INTS2: variants seen among roughly 807,000 people sequenced by gnomAD.
INTS2 encodes the protein KIAA1287.
A neutral mutation model predicts 139.6 loss-of-function variants in INTS2; 57 were observed. The ratio of observed to expected loss-of-function variants is 0.41; its 90% confidence interval spans 0.33 to 0.51. The LOEUF (loss-of-function observed/expected upper bound fraction) is 0.51, where lower values mean the gene tolerates loss of function less well. Ranked by LOEUF, INTS2 falls within the 20% of genes least tolerant of loss-of-function variation. The pLI is 0.28. For missense variants in INTS2, 1,196 were observed against 1,436.7 expected (o/e 0.83, Z 2.71); for synonymous variants, 473 against 493.4 (o/e 0.96, Z 0.55).
At chr17:61,912,576 C>T (rs1299575989) in intron 5 of INTS2, among the ~76,000 whole-genome samples, 1 of 151,844 alleles carries the variant, frequency 6.6e-6, no homozygotes, top group East Asian at 1.9e-4. Context: ...GAGCCAAGAT[C>T]GCATCATTAC....
intron 9 of INTS2, among the ~76,000 whole-genome samples, chr17:61,903,281 CAT>C (rs1199025282): frequency 6.7e-6 from 1 of 148,670 alleles, no homozygotes; most frequent in Non-Finnish European, 1.5e-5. Context: ...GCCTCGAACT[CAT>C]AGCCTCAAGC....
intron 9 of INTS2, among the ~76,000 whole-genome samples, chr17:61,900,511 C>A (rs563928590): frequency 5.6e-4 from 86 of 152,268 alleles, no homozygotes; most frequent in African/African-American, 2.0e-3. Context: ...AGCCCTTAAC[C>A]CTCACTCTTT....
chr17:61,872,154 C>T lies in INTS2; in HGVS notation c.2778+111G>A, dbSNP rs1408655132. 1 of 557,028 alleles carries T rather than the reference C, an allele frequency of 1.8e-6. No homozygotes were observed. Among genetic ancestry groups the T allele is most frequent in the African/African-American group, 1.9e-5 (1 of 53,950 alleles). The allele number at this position is 557,028 out of a possible 1,614,324, so 34.5% of individuals were successfully genotyped here. On this transcript the variant is annotated intron_variant, in intron 20 of 24. Coordinates refer to ENST00000251334, the MANE Select transcript of INTS2 (RefSeq NM_001351695.2). The surrounding 1 kb of genome is among the most constrained non-coding windows in gnomAD (Gnocchi z 4.8). ...TAGATTCTATAATAAAAGAAATGCACAATATGTCACCAATGTACATGGAGC... is the reference window on the plus strand; with the variant it reads ...TAGATTCTATAATAAAAGAAATGCATAATATGTCACCAATGTACATGGAGC...
chr17:61,883,003 G>C (rs953860493), intron 16 of INTS2, among the ~76,000 whole-genome samples: 1 of 152,078 alleles, frequency 6.6e-6, no homozygotes, highest in African/African-American at 2.4e-5. Flanking sequence ...TGATGTTTCT[G>C]TGTTTGAAAA....
At chr17:61,926,891 T>G (rs1320941096) in intron 1 of INTS2, among the ~76,000 whole-genome samples, 1 of 152,188 alleles carries the variant, frequency 6.6e-6, no homozygotes, top group Non-Finnish European at 1.5e-5. Context: ...TCAGGAATCT[T>G]CTGCTCTAAT....
Position 61,921,885 on chromosome 17 carries a change from ATT to A in INTS2, c.433-60_433-59del, listed in dbSNP as rs1337208599. 6.9e-6 allele frequency: 6 copies of A among 868,166 alleles called. No homozygotes were observed. The African/African-American group carries it at 1.0e-4, about 15-fold the overall frequency. The allele number at this position is 868,166 out of a possible 1,614,324, so 53.8% of individuals were successfully genotyped here. The stretch of plus-strand genomic sequence containing the variant: ...ATTAATTTCAGATAATTAAATCCCT[ATT>A]TTTATAATTATTTCTTGAGCTCACA... On this transcript the variant is annotated intron_variant, in intron 3 of 24. Coordinates refer to ENST00000251334, the MANE Select transcript of INTS2 (RefSeq NM_001351695.2).
chr17:61,913,024 C>T (rs1170696183), intron 5 of INTS2, among the ~76,000 whole-genome samples: 3 of 151,686 alleles, frequency 2.0e-5, no homozygotes, highest in Admixed American at 1.3e-4. Flanking sequence ...TGCAGTGAGC[C>T]GAGATCACAC....
rs2079093052 is a variant in INTS2 at position 61,872,053 on chromosome 17, C to T, written c.2778+212G>A. ...ATCTTATTTAAATGGCTATTTCATT[C>T]ATATCATGAAGATTATTCCTGATTT... On this transcript the variant is annotated intron_variant, in intron 20 of 24. Transcript: ENST00000251334. This position sits in a 1 kb window ranked among gnomAD's most constrained non-coding sequence, Gnocchi z 4.8. 2.5e-6 allele frequency: 1 copy of T among 395,378 alleles called. No individual in the cohort carries two copies. Among genetic ancestry groups the T allele is most frequent in the African/African-American group, 2.0e-5 (1 of 48,846 alleles). The allele number at this position is 395,378 out of a possible 1,614,324, so 24.5% of individuals were successfully genotyped here. A position where few individuals can be genotyped will look rare whatever the true frequency, so the allele number is the denominator to read the frequency against.
chr17:61,881,074 A>T lies in INTS2; in HGVS notation c.2187T>A (p.Asp729Glu). The T allele has an allele frequency of 6.2e-7, 1 of 1,613,736 alleles. No homozygotes were observed. The change falls in exon 17 of 25, where the codon GAT (aspartate) becomes GAA (glutamate). Residue 729 changes from aspartate (D) to glutamate (E), a missense_variant. Coordinates refer to ENST00000251334, the MANE Select transcript of INTS2 (RefSeq NM_001351695.2). ...WICEEEITGT[D>E]ALLRRMLLTN... ...TCAGGAGCATTCGCCGTAGCAGGGC[A>T]TCAGTCCCTGTGATTTCTTCTTCAC...
At chr17:61,885,179 G>A (rs192211298) in intron 15 of INTS2, 174 bp from the exon 16 acceptor site, 2 of 586,514 alleles carry the variant, frequency 3.4e-6, no homozygotes, top group Admixed American at 6.4e-5. Context: ...TACACAGGAA[G>A]AACAAGAACA....
At chr17:61,890,969 C>A (rs1234799340) in intron 14 of INTS2, among the ~76,000 whole-genome samples, 1 of 100,284 alleles carries the variant, frequency 1.0e-5, no homozygotes, top group East Asian at 3.0e-4. Context: ...GGTGTCACAG[C>A]AAGACTCCAG....
chr17:61,895,207 AAAAAG>A, intron 12 of INTS2, 103 bp downstream of exon 12: 1 of 630,948 alleles, frequency 1.6e-6, no homozygotes, highest in South Asian at 2.1e-5. Flanking sequence ...TCATGAGTTT[AAAAAG>A]AAAAAAGACC....
rs1005928696 is a variant in INTS2 at position 61,868,310 on chromosome 17, A to T, written c.3245-301T>A. 1.3e-5 allele frequency among the ~76,000 whole-genome samples: 2 copies of T among 152,158 alleles called. No individual in the cohort carries two copies. The highest frequency in any genetic ancestry group is 2.9e-5 in the Non-Finnish European group (2 of 67,996). Reference sequence around the variant, plus strand: ...TATATATGAGAAAACTCTTAAAAAAAGGTTAGAGAGGTTAAGAAACTTGTT... The same window carrying T: ...TATATATGAGAAAACTCTTAAAAAATGGTTAGAGAGGTTAAGAAACTTGTT... On this transcript the variant is annotated intron_variant, in intron 23 of 24. Coordinates refer to ENST00000251334, the MANE Select transcript of INTS2 (RefSeq NM_001351695.2). The surrounding 1 kb of genome is among the most constrained non-coding windows in gnomAD (Gnocchi z 4.7).
intron 8 of INTS2, among the ~76,000 whole-genome samples, chr17:61,906,098 T>C (rs1226780270): frequency 6.6e-6 from 1 of 152,158 alleles, no homozygotes; most frequent in African/African-American, 2.4e-5. Context: ...GAGTTCATTA[T>C]GGAGAGAAAG....
chr17:61,926,242 C>G, intron 2 of INTS2, 110 bp downstream of exon 2: 1 of 859,774 alleles, frequency 1.2e-6, no homozygotes, highest in African/African-American at 1.7e-5. Context: ...AAGTAAAATG[C>G]TCTCCAGAAT....
chr17:61,922,770 G>C (rs914832230), intron 3 of INTS2, among the ~76,000 whole-genome samples: 2 of 151,718 alleles, frequency 1.3e-5, no homozygotes, highest in Admixed American at 6.6e-5. Flanking sequence ...GAAAACTCTT[G>C]GCTGAAATTT....
At chr17:61,904,389 A>G in intron 9 of INTS2, 71 bp downstream of exon 9, 1 of 1,083,132 alleles carries the variant, frequency 9.2e-7, no homozygotes, top group Non-Finnish European at 1.4e-6. Flanking sequence ...CTCTTATCTA[A>G]TGCTATACAA....
At chr17:61,879,199 C>T (rs755234161) in intron 17 of INTS2, among the ~76,000 whole-genome samples, 9 of 148,986 alleles carry the variant, frequency 6.0e-5, no homozygotes, top group African/African-American at 9.9e-5. Context: ...AGATAACAGG[C>T]GTGAGTCACT....
intron 2 of INTS2, 88 bp downstream of exon 2, chr17:61,926,264 T>G: frequency 9.3e-7 from 1 of 1,073,814 alleles, no homozygotes; most frequent in Non-Finnish European, 1.4e-6. Flanking sequence ...TAGATTCTCA[T>G]TCTCTCTTTT....
Sources: gnomAD v4.1 joint callset for allele counts (sites outside exome capture counted in the v4.1 genomes callset) on GRCh38, gnomAD v4.1.1 for gene constraint, Gnocchi (gnomAD v3.1) non-coding constraint, MANE v1.5 for transcripts, NCBI Gene and HGNC (gene_info 2026-07-23, HGNC 2026-07-21) for gene names.